GRM8: variants seen among roughly 807,000 people sequenced by gnomAD.
The protein encoded by GRM8 is glutamate metabotropic receptor 8.
A neutral mutation model predicts 87.2 loss-of-function variants in GRM8; 47 were observed. That is an observed-to-expected ratio of 0.54 (90% CI 0.43 to 0.69). The LOEUF is 0.69. GRM8 is among the 30% of genes least tolerant of loss of function. The probability of loss-of-function intolerance (pLI) is 0.00; values close to 1 mark genes in which losing one functional copy is unlikely to be tolerated. For missense variants in GRM8, 1,019 were observed against 1,139.2 expected, an observed-to-expected ratio of 0.89 and a Z score of 1.52; for synonymous variants, 396 against 404.5, an observed-to-expected ratio of 0.98 and a Z score of 0.25.
chr7:126,634,122 G>C (rs1474634991), intron 7 of GRM8, among the ~76,000 whole-genome samples: 2 of 152,058 alleles, frequency 1.3e-5, no homozygotes, highest in Non-Finnish European at 2.9e-5. Context: ...ATGATCATTA[G>C]AGGAAATATC....
intron 2 of GRM8, among the ~76,000 whole-genome samples, chr7:127,175,325 G>A (rs1343736719): frequency 1.3e-5 from 2 of 151,806 alleles, no homozygotes; most frequent in Non-Finnish European, 2.9e-5. Context: ...GAACTAAAAT[G>A]CAAAAAGAAA....
At chr7:126,453,992 C>T (rs1465133735) in intron 9 of GRM8, among the ~76,000 whole-genome samples, 3 of 151,680 alleles carry the variant, frequency 2.0e-5, no homozygotes, top group Non-Finnish European at 4.4e-5. Context: ...CCCTTTATCA[C>T]TGCAGCAGCA....
intron 6 of GRM8, among the ~76,000 whole-genome samples, chr7:126,866,477 A>G (rs2106352): frequency 0.38 from 57,070 of 151,248 alleles, 11,705 homozygotes; most frequent in Non-Finnish European, 0.46. Context: ...GGCATGTCTA[A>G]GAAACCATTG....
intron 3 of GRM8, among the ~76,000 whole-genome samples, chr7:126,998,617 G>A (rs1813411269): frequency 6.6e-6 from 1 of 151,600 alleles, no homozygotes; most frequent in Non-Finnish European, 1.5e-5. Flanking sequence ...ATTTGTGTAT[G>A]CCAACATGAA....
intron 9 of GRM8, among the ~76,000 whole-genome samples, chr7:126,496,306 A>G (rs1808727588): frequency 6.6e-6 from 1 of 151,878 alleles, no homozygotes; most frequent in South Asian, 2.1e-4. Flanking sequence ...GAAAGGGAAG[A>G]AACGAAAGAG....
intron 1 of GRM8, among the ~76,000 whole-genome samples, chr7:127,244,155 AAC>A (rs1315458242): frequency 1.3e-5 from 2 of 152,192 alleles, no homozygotes; most frequent in Non-Finnish European, 2.9e-5. Flanking sequence ...TTGAAAATGA[AAC>A]ACACAGGTAA....
At chr7:127,147,750 A>G (rs1419435839) in intron 2 of GRM8, among the ~76,000 whole-genome samples, 1 of 146,342 alleles carries the variant, frequency 6.8e-6, no homozygotes, top group Non-Finnish European at 1.5e-5. Context: ...GAATCCTTTT[A>G]CACTTATATG....
chr7:126,527,429 G>A (rs967219169), intron 9 of GRM8, among the ~76,000 whole-genome samples: 3 of 152,162 alleles, frequency 2.0e-5, no homozygotes, highest in African/African-American at 4.8e-5. Context: ...TATATGCAGT[G>A]ATTAACGATT....
chr7:126,533,602 C>G lies in GRM8; in HGVS notation c.1780G>C (p.Gly594Arg), dbSNP rs142264224. 1 of 1,613,978 alleles carries G rather than the reference C, an allele frequency of 6.2e-7. No homozygotes were observed. Among genetic ancestry groups the G allele is most frequent in the African/African-American group, 1.3e-5 (1 of 74,994 alleles). Reference protein sequence around the residue: ...AVVPVFVAILGIIATTFVIVT... With the variant: ...AVVPVFVAILRIIATTFVIVT... Reference sequence around the variant, plus strand: ...ATCACAAAGGTGGTGGCGATGATTCCCAATATTGCAACAAACACAGGCACC... The same window carrying G: ...ATCACAAAGGTGGTGGCGATGATTCGCAATATTGCAACAAACACAGGCACC... Residue 594 changes from glycine (G) to arginine (R), a missense_variant, in exon 9 of 11, where the codon GGA becomes CGA. Transcript: ENST00000339582.
At chr7:127,166,855 T>C (rs1793482786) in intron 2 of GRM8, among the ~76,000 whole-genome samples, 2 of 152,178 alleles carry the variant, frequency 1.3e-5, no homozygotes, top group African/African-American at 4.8e-5. Context: ...AAATAACTTG[T>C]TTAAACTAGT....
At chr7:126,700,884 C>T (rs1421407695) in intron 7 of GRM8, among the ~76,000 whole-genome samples, 1 of 152,000 alleles carries the variant, frequency 6.6e-6, no homozygotes, top group Non-Finnish European at 1.5e-5. Context: ...GTTCCTAAAT[C>T]CTAAATTCCT....
At chr7:127,188,802 T>C (rs1794871206) in intron 2 of GRM8, among the ~76,000 whole-genome samples, 1 of 152,206 alleles carries the variant, frequency 6.6e-6, no homozygotes, top group Non-Finnish European at 1.5e-5. Flanking sequence ...TGACATTCAC[T>C]AACCTTGACC....
At chr7:126,994,104 C>A (rs1306364938) in intron 3 of GRM8, among the ~76,000 whole-genome samples, 1 of 152,122 alleles carries the variant, frequency 6.6e-6, no homozygotes, top group Non-Finnish European at 1.5e-5. Context: ...GGAGAGGAGA[C>A]AGAAGAGCAA....
At chr7:126,750,708 T>C (rs1214979802) in intron 7 of GRM8, among the ~76,000 whole-genome samples, 1 of 152,170 alleles carries the variant, frequency 6.6e-6, no homozygotes, top group African/African-American at 2.4e-5. Context: ...TTCACTTTTC[T>C]TCACATAATC....
Position 126,533,690 on chromosome 7 carries a change from C to T in GRM8, c.1692G>A (p.Met564Ile), listed in dbSNP as rs779786127. The change falls in exon 9 of 11, where the codon ATG (methionine) becomes ATA (isoleucine). Residue 564 changes from methionine to isoleucine, a missense_variant. Transcript: ENST00000339582. The part of the protein sequence containing the change: ...ELCPLDQRPN[M>I]NRTGCQLIPI... The stretch of plus-strand genomic sequence containing the variant: ...GGATAAGCTGGCAGCCTGTGCGGTT[C>T]ATGTTGGGTCTCTGATCCAGAGGGC... 6.2e-7 allele frequency: 1 copy of T among 1,614,076 alleles called. No homozygotes were observed. The highest frequency in any genetic ancestry group is 1.1e-5 in the South Asian group (1 of 91,078).
At chr7:126,548,714 A>G (rs1817449233) in intron 8 of GRM8, among the ~76,000 whole-genome samples, 1 of 152,174 alleles carries the variant, frequency 6.6e-6, no homozygotes. Context: ...CAGAAAAGTA[A>G]GAAGTAGAAA....
At chr7:127,006,676 T>A (rs1214416513) in intron 3 of GRM8, among the ~76,000 whole-genome samples, 1 of 152,048 alleles carries the variant, frequency 6.6e-6, no homozygotes, top group Non-Finnish European at 1.5e-5. Context: ...CTGGTTTTCC[T>A]CTTCATTCTC....
At chr7:126,972,547 CT>C (rs2131784393) in intron 3 of GRM8, among the ~76,000 whole-genome samples, 1 of 151,256 alleles carries the variant, frequency 6.6e-6, no homozygotes, top group African/African-American at 2.4e-5. Context: ...CAACTAAATT[CT>C]TTAATCAGCT....
At chr7:126,807,369 G>A (rs1019341828) in intron 6 of GRM8, among the ~76,000 whole-genome samples, 8 of 152,106 alleles carry the variant, frequency 5.3e-5, no homozygotes, top group Non-Finnish European at 8.8e-5. Flanking sequence ...GATTTCTCAG[G>A]CCTAAGGAGC....
Sources: allele counts gnomAD v4.1 joint callset (sites outside exome capture counted in the v4.1 genomes callset), GRCh38; gene constraint gnomAD v4.1.1; transcripts MANE v1.5; gene names NCBI Gene and HGNC (gene_info 2026-07-23, HGNC 2026-07-21).